DIS3L: variants seen among roughly 807,000 people sequenced by gnomAD.
The protein encoded by DIS3L is DIS3 like exosome 3'-5' exoribonuclease.
A neutral mutation model predicts 120.3 loss-of-function variants in DIS3L; 100 were observed. That is an observed-to-expected ratio of 0.83 (90% CI 0.71 to 0.98). The LOEUF is 0.98. Ranked by LOEUF, DIS3L falls within the 50% of genes least tolerant of loss-of-function variation. DIS3L has a pLI of 0.00. For missense variants in DIS3L, 1,196 were observed against 1,314.2 expected, an observed-to-expected ratio of 0.91 and a Z score of 1.39; for synonymous variants, 426 against 470.6, an observed-to-expected ratio of 0.91 and a Z score of 1.23.
At chr15:66,314,152 C>A in intron 6 of DIS3L, 35 bp downstream of exon 6, 1 of 1,399,292 alleles carries the variant, frequency 7.1e-7, no homozygotes, top group Non-Finnish European at 9.3e-7. Flanking sequence ...TTCCATACTC[C>A]TTTTTTATTC....
Position 66,325,957 on chromosome 15 carries a change from T to TGGAA in DIS3L, c.1795_1798dup (p.Asn600ArgfsTer7). ...ATGAAGCAGCCCAAGAACTACTGGATGGAAACTTAAGCGTTGTTGATGATA... is the reference window on the plus strand; with the variant it reads ...ATGAAGCAGCCCAAGAACTACTGGATGGAAGGAAACTTAAGCGTTGTTGATGATA... On this transcript the variant is annotated frameshift_variant, in exon 12 of 17. Transcript: ENST00000319212. LOFTEE classifies it high-confidence loss of function. 7 of 1,614,158 alleles carry TGGAA rather than the reference T, an allele frequency of 4.3e-6. No homozygotes were observed. The highest frequency in any genetic ancestry group is 5.9e-6 in the Non-Finnish European group (7 of 1,180,040).
intron 11 of DIS3L, 90 bp from the exon 12 acceptor site, chr15:66,325,741 A>T: frequency 7.0e-7 from 1 of 1,436,992 alleles, no homozygotes; most frequent in Non-Finnish European, 9.4e-7. Context: ...AGCCTGGGTG[A>T]CAGAGCAAGA....
At position 66,309,094 on chromosome 15, in the gene DIS3L, A is replaced by AATATATAT. The variant is rs1555401906; in HGVS notation, c.558+253_558+260dup. Among the ~76,000 whole-genome samples the AATATATAT allele has an allele frequency of 1.7e-3, 26 of 15,314 alleles. 7 individuals are homozygous for AATATATAT. Among genetic ancestry groups the AATATATAT allele is most frequent in the Non-Finnish European group, 3.0e-3 (25 of 8,308 alleles). The allele number at this position is 15,314 out of a possible 152,430, so 10.0% of individuals were successfully genotyped here. A position where few individuals can be genotyped will look rare whatever the true frequency, so the allele number is the denominator to read the frequency against. The stretch of plus-strand genomic sequence containing the variant: ...CTTGTCTCTACAGAAAAAAAAAAAA[A>AATATATAT]ATATATATATCTCCAAGCATGGTGG... On this transcript the variant is annotated intron_variant, in intron 4 of 16. Coordinates refer to ENST00000319212, the MANE Select transcript of DIS3L (RefSeq NM_001143688.3).
At position 66,329,431 on chromosome 15, in the gene DIS3L, T is replaced by C. The variant is rs375898412; in HGVS notation, c.2535+32T>C. ...GGGAATTTCAAAATTCTCTTACCTG[T>C]CATCTCTTGCTAAGAAAATATCAGC... On this transcript the variant is annotated intron_variant, in intron 14 of 16. Coordinates refer to ENST00000319212, the MANE Select transcript of DIS3L (RefSeq NM_001143688.3). The C allele has an allele frequency of 3.8e-6, 6 of 1,581,774 alleles. No homozygotes were observed. The African/African-American group carries it at 6.8e-5, about 18-fold the overall frequency.
chr15:66,320,401 A>G (rs1011083952), intron 8 of DIS3L, among the ~76,000 whole-genome samples, 170 bp from the exon 9 acceptor site: 1 of 150,486 alleles, frequency 6.6e-6, no homozygotes, highest in Admixed American at 6.6e-5. Flanking sequence ...CTGGCAATTT[A>G]GTAATAGGAA....
At chr15:66,315,687 T>G (rs979117986) in intron 7 of DIS3L, among the ~76,000 whole-genome samples, 1 of 152,208 alleles carries the variant, frequency 6.6e-6, no homozygotes. Context: ...AAATCCTCCC[T>G]GAGTCCCATG....
In DIS3L at chr15:66,320,695, A is replaced by G; in HGVS notation, c.1289A>G (p.Glu430Gly). The G allele has an allele frequency of 6.2e-7, 1 of 1,614,130 alleles. No homozygotes were observed. The highest frequency in any genetic ancestry group is 1.1e-5 in the South Asian group (1 of 91,074). ...GGGGAAATTGCAACCATCCTGGTGG[A>G]AAACAGTATTTCAGTTATTCCTTTC... ...LEGEIATILV[E>G]NSISVIPFSE... The change falls in exon 9 of 17, where the codon GAA becomes GGA. Residue 430 changes from glutamate to glycine, a missense_variant. Coordinates refer to ENST00000319212, the MANE Select transcript of DIS3L (RefSeq NM_001143688.3).
intron 3 of DIS3L, 54 bp downstream of exon 3, chr15:66,307,006 A>G: frequency 6.2e-7 from 1 of 1,602,762 alleles, no homozygotes. Context: ...TCATTTCCTC[A>G]TCATTGGCTG....
chr15:66,322,683 A>G lies in DIS3L; in HGVS notation c.1327-4A>G, dbSNP rs777004479. ...AATTGCTGAATATTTGGTTTCTCATACAGATGTGTGAGATGCCAGTAAACA... is the reference window on the plus strand; with the variant it reads ...AATTGCTGAATATTTGGTTTCTCATGCAGATGTGTGAGATGCCAGTAAACA... On this transcript the variant is annotated splice_region_variant and splice_polypyrimidine_tract_variant and intron_variant, in intron 9 of 16. Coordinates refer to ENST00000319212, the MANE Select transcript of DIS3L (RefSeq NM_001143688.3). 1.1e-5 allele frequency: 18 copies of G among 1,613,554 alleles called. No individual in the cohort carries two copies. The highest frequency in any genetic ancestry group is 1.6e-4 in the Middle Eastern group (1 of 6,080).
At position 66,333,248 on chromosome 15, in the gene DIS3L, A is replaced by C. The variant is rs1426768918; in HGVS notation, c.3101A>C (p.Tyr1034Ser). The change falls in exon 17 of 17, where the codon TAC becomes TCC. Residue 1034 changes from tyrosine to serine, a missense_variant. Coordinates refer to ENST00000319212, the MANE Select transcript of DIS3L (RefSeq NM_001143688.3). ...EYRQTKGRSLYTLLEEIRDLA... is the reference protein window; with the variant it reads ...EYRQTKGRSLSTLLEEIRDLA... ...CGCCAAACAAAGGGAAGGAGCCTAT[A>C]CACACTTCTAGAGGAGATACGGGAC... is the stretch of plus-strand genomic sequence containing the variant. 6.2e-7 allele frequency: 1 copy of C among 1,614,134 alleles called. No individual in the cohort carries two copies.
chr15:66,293,854 G>A (rs112164054), intron 1 of DIS3L, 119 bp downstream of exon 1: 77,293 of 989,716 alleles, frequency 0.078, 3,085 homozygotes, highest in Middle Eastern at 0.095. Flanking sequence ...TAGGCCCCGC[G>A]GCCTGCGCCC....
intron 1 of DIS3L, chr15:66,294,393 TG>T: frequency 1.0e-6 from 1 of 985,600 alleles, no homozygotes; most frequent in Non-Finnish European, 1.2e-6. Context: ...AGGATGAGAA[TG>T]GGCTGGGGGT....
At position 66,314,118 on chromosome 15, in the gene DIS3L, G is replaced by A; in HGVS notation, c.814+1G>A. 1.3e-6 allele frequency: 2 copies of A among 1,502,444 alleles called. No homozygotes were observed. Among genetic ancestry groups the A allele is most frequent in the South Asian group, 2.7e-5 (2 of 74,210 alleles). The allele number at this position is 1,502,444 out of a possible 1,614,324, so 93.1% of individuals were successfully genotyped here. A position where few individuals can be genotyped will look rare whatever the true frequency, so the allele number is the denominator to read the frequency against. Reference sequence around the variant, plus strand: ...CAAGGAGCCAGCAGTAAAGATTCAGGTTCAGTATAAACCTTACATAAATTT... The same window carrying A: ...CAAGGAGCCAGCAGTAAAGATTCAGATTCAGTATAAACCTTACATAAATTT... On this transcript the variant is annotated splice_donor_variant, in intron 6 of 16. Transcript: ENST00000319212. LOFTEE classifies it high-confidence loss of function.
intron 4 of DIS3L, among the ~76,000 whole-genome samples, chr15:66,309,248 T>C (rs983672673): frequency 2.0e-5 from 3 of 150,254 alleles, no homozygotes; most frequent in African/African-American, 7.3e-5. Flanking sequence ...TAAGACCCTG[T>C]CTCAACAAAT....
At chr15:66,302,914 C>G (rs1302186014) in intron 2 of DIS3L, among the ~76,000 whole-genome samples, 2 of 152,166 alleles carry the variant, frequency 1.3e-5, no homozygotes, top group African/African-American at 4.8e-5. Flanking sequence ...CAGCCATCAC[C>G]AACATCTGTC....
At position 66,332,828 on chromosome 15, in the gene DIS3L, C is replaced by A; in HGVS notation, c.2774C>A (p.Ser925Tyr). Residue 925 changes from serine (S) to tyrosine (Y), a missense_variant, in exon 16 of 17, where the codon TCC becomes TAC. Ser to Tyr is a moderately radical substitution (Grantham distance 144). Coordinates refer to ENST00000319212, the MANE Select transcript of DIS3L (RefSeq NM_001143688.3). ...PDSCSEWKPG[S>Y]LQRFQNKITS... ...AGCTGTTCTGAATGGAAACCAGGAT[C>A]CCTTCAACGATTTCAAAACAAAATT... The A allele has an allele frequency of 6.2e-7, 1 of 1,613,944 alleles. No homozygotes were observed. The highest frequency in any genetic ancestry group is 1.1e-5 in the South Asian group (1 of 91,072).
At chr15:66,296,932 C>T (rs539881742) in intron 2 of DIS3L, among the ~76,000 whole-genome samples, 4 of 152,272 alleles carry the variant, frequency 2.6e-5, no homozygotes, top group East Asian at 1.9e-4. Flanking sequence ...GATAATTTAA[C>T]GTGGACTATG....
Position 66,309,094 on chromosome 15 carries a change from A to AAAAAAAAATATATATAT in DIS3L, c.558+251_558+252insAAAAAAATATATATATA. 3.3e-4 allele frequency among the ~76,000 whole-genome samples: 5 copies of AAAAAAAAATATATATAT among 15,312 alleles called. 1 individual carries two copies. Among genetic ancestry groups the AAAAAAAAATATATATAT allele is most frequent in the African/African-American group, 7.8e-4 (4 of 5,120 alleles). 10.0% of individuals were successfully genotyped at this position (15,312 alleles called of 152,430 possible). On this transcript the variant is annotated intron_variant, in intron 4 of 16. Coordinates refer to ENST00000319212, the MANE Select transcript of DIS3L (RefSeq NM_001143688.3). ...CTTGTCTCTACAGAAAAAAAAAAAA[A>AAAAAAAAATATATATAT]ATATATATATCTCCAAGCATGGTGG...
intron 7 of DIS3L, among the ~76,000 whole-genome samples, chr15:66,315,495 T>C (rs1251293405): frequency 6.6e-6 from 1 of 152,094 alleles, no homozygotes; most frequent in Non-Finnish European, 1.5e-5. Context: ...TCTACTCTCT[T>C]AGCAATTTTC....
Sources: allele counts gnomAD v4.1 joint callset (sites outside exome capture counted in the v4.1 genomes callset), GRCh38; gene constraint gnomAD v4.1.1; transcripts MANE v1.5; gene names NCBI Gene and HGNC (gene_info 2026-07-23, HGNC 2026-07-21).